The following HSPA12A variants were observed in gnomAD, a reference collection of about 807,000 sequenced individuals.
The protein encoded by HSPA12A is heat shock 70 kDa protein 12A.
Under a neutral mutation model 69.2 loss-of-function variants are expected in HSPA12A, and 28 were observed. That is an observed-to-expected ratio of 0.40 (90% CI 0.30 to 0.55). HSPA12A has a LOEUF of 0.55. Ranked by LOEUF, HSPA12A falls within the 20% of genes least tolerant of loss-of-function variation. HSPA12A has a pLI of 0.38. For synonymous variants in HSPA12A, 345 were observed against 370.5 expected (o/e 0.93, Z 0.79); for missense variants, 686 against 900.7 (o/e 0.76, Z 3.05).
At chr10:116,793,313 G>A (rs541053686) in intron 2 of HSPA12A, among the ~76,000 whole-genome samples, 15 of 152,352 alleles carry the variant, frequency 9.8e-5, no homozygotes, top group African/African-American at 3.4e-4. Flanking sequence ...GCTCACGCCT[G>A]TAATCCCAAC....
chr10:116,677,624 A>G lies in HSPA12A; in HGVS notation c.1287-1122T>C, dbSNP rs1281293397. On this transcript the variant is annotated intron_variant, in intron 10 of 11. Transcript: ENST00000369209. ...AGACTGGCCCTGCTCCAAGGGCAAG[A>G]AGACCTGACATGAAATCTGCTTTCA... 3.3e-5 allele frequency among the ~76,000 whole-genome samples: 5 copies of G among 152,230 alleles called. 1 individual carries two copies. The highest frequency in any genetic ancestry group is 6.5e-5 in the Admixed American group (1 of 15,286).
At chr10:116,795,080 G>A (rs979333991) in intron 2 of HSPA12A, among the ~76,000 whole-genome samples, 6 of 152,108 alleles carry the variant, frequency 3.9e-5, no homozygotes, top group African/African-American at 1.4e-4. Context: ...CATCTTAGAA[G>A]GGGGATAAAT....
At chr10:116,842,364 TG>T (rs1233260755) in intron 1 of HSPA12A, among the ~76,000 whole-genome samples, 2 of 152,162 alleles carry the variant, frequency 1.3e-5, no homozygotes, top group African/African-American at 4.8e-5. Context: ...CTGCCCCCTA[TG>T]TGGAAACTAC....
chr10:116,741,063 A>G (rs1554887061), intron 1 of HSPA12A, among the ~76,000 whole-genome samples: 1 of 150,928 alleles, frequency 6.6e-6, no homozygotes, highest in Non-Finnish European at 1.5e-5. Flanking sequence ...CAGCTGAGGA[A>G]GAGTACAGGC....
chr10:116,760,531 A>T (rs1843945306), intron 2 of HSPA12A, among the ~76,000 whole-genome samples: 1 of 152,168 alleles, frequency 6.6e-6, no homozygotes, highest in South Asian at 2.1e-4. Flanking sequence ...TGGAAAGAAA[A>T]CACATGAATG....
chr10:116,798,248 G>A (rs990186728), intron 2 of HSPA12A, among the ~76,000 whole-genome samples: 3 of 152,122 alleles, frequency 2.0e-5, no homozygotes, highest in Non-Finnish European at 4.4e-5. Flanking sequence ...GCAACCTTCT[G>A]GAAGCCGTCT....
chr10:116,704,217 C>A (rs1554881960), intron 3 of HSPA12A, among the ~76,000 whole-genome samples: 1 of 152,170 alleles, frequency 6.6e-6, no homozygotes, highest in African/African-American at 2.4e-5. Flanking sequence ...ATGTAAATGT[C>A]CAACAACGGT....
At chr10:116,725,721 G>A (rs1409566514) in intron 1 of HSPA12A, among the ~76,000 whole-genome samples, 1 of 152,114 alleles carries the variant, frequency 6.6e-6, no homozygotes, top group Admixed American at 6.5e-5. Flanking sequence ...CACAGGGTGA[G>A]AGGGATATCC....
At chr10:116,676,523 G>A (rs1554877741) in intron 10 of HSPA12A, 21 bp from the exon 11 acceptor site, 1 of 1,587,908 alleles carries the variant, frequency 6.3e-7, no homozygotes, top group Non-Finnish European at 8.6e-7. Flanking sequence ...ATAGCATGGA[G>A]AAGAGCAGGC....
Position 116,686,862 on chromosome 10 carries a change from C to G in HSPA12A, c.664-2900G>C, listed in dbSNP as rs1385811855. On this transcript the variant is annotated intron_variant, in intron 6 of 11. Transcript: ENST00000369209. This position sits in a 1 kb window ranked among gnomAD's most constrained non-coding sequence, Gnocchi z 4.1. ...TAAGCTCCACCCCTCATCCCTCTTC[C>G]CACACCATAAGCTCCGCCCCTCATC... is the stretch of plus-strand genomic sequence containing the variant. Among the ~76,000 whole-genome samples the G allele has an allele frequency of 6.6e-6, 1 of 151,340 alleles. No homozygotes were observed. Among genetic ancestry groups the G allele is most frequent in the Admixed American group, 6.6e-5 (1 of 15,198 alleles).
intron 2 of HSPA12A, among the ~76,000 whole-genome samples, chr10:116,789,023 G>A (rs1002402996): frequency 3.3e-5 from 5 of 151,872 alleles, no homozygotes; most frequent in African/African-American, 1.2e-4. Flanking sequence ...CTGCCACAAC[G>A]CCCAGCTGAT....
chr10:116,825,297 C>T (rs1440726641), intron 2 of HSPA12A, among the ~76,000 whole-genome samples: 1 of 151,874 alleles, frequency 6.6e-6, no homozygotes, highest in Non-Finnish European at 1.5e-5. Flanking sequence ...ATCACTTGAG[C>T]TCAGGAGTTC....
rs1589727387 is a variant in HSPA12A, at chr10:116,825,113, G to C, written c.91+9822C>G. Among the ~76,000 whole-genome samples the C allele has an allele frequency of 4.0e-5, 6 of 151,872 alleles. No homozygotes were observed. In the South Asian group the frequency reaches 1.3e-3, roughly 32 times the overall value. On this transcript the variant is annotated intron_variant, in intron 2 of 12. Transcript: ENST00000635765. ...GTGGTGGGGGAATCACTTGGGCCTG[G>C]GAGGCCGAAGCTGCAGCGAGCTGTG...
chr10:116,757,758 C>T (rs908096966), intron 2 of HSPA12A, among the ~76,000 whole-genome samples: 9 of 152,154 alleles, frequency 5.9e-5, no homozygotes, highest in South Asian at 2.1e-4. Context: ...GAAGATTAAA[C>T]GAGTTCATAC....
chr10:116,812,979 G>A (rs1477172702), intron 2 of HSPA12A, among the ~76,000 whole-genome samples: 4 of 152,140 alleles, frequency 2.6e-5, no homozygotes, highest in African/African-American at 9.7e-5. Context: ...TGTAGGGAGG[G>A]AGGAAGCTAA....
chr10:116,751,921 G>A (rs1292519979), intron 2 of HSPA12A, among the ~76,000 whole-genome samples: 2 of 152,114 alleles, frequency 1.3e-5, no homozygotes, highest in African/African-American at 4.8e-5. Context: ...TAAGCTTCTT[G>A]AGCCTCACCA....
At chr10:116,688,429 C>T (rs527648387) in intron 6 of HSPA12A, among the ~76,000 whole-genome samples, 1 of 152,320 alleles carries the variant, frequency 6.6e-6, no homozygotes, top group East Asian at 1.9e-4. Context: ...TCTGTGATCA[C>T]GAGTTTCACT....
At chr10:116,817,733 G>A (rs938728388) in intron 2 of HSPA12A, among the ~76,000 whole-genome samples, 1 of 152,090 alleles carries the variant, frequency 6.6e-6, no homozygotes, top group African/African-American at 2.4e-5. Flanking sequence ...GGTCAGTCAA[G>A]ATAATCTGCA....
At chr10:116,759,057 A>T (rs1036787397) in intron 2 of HSPA12A, among the ~76,000 whole-genome samples, 12 of 152,222 alleles carry the variant, frequency 7.9e-5, no homozygotes, top group African/African-American at 2.9e-4. Flanking sequence ...GAAACAGCAC[A>T]TTCCCTCGTC....
Sources: gnomAD v4.1 joint callset for allele counts (sites outside exome capture counted in the v4.1 genomes callset) on GRCh38, gnomAD v4.1.1 for gene constraint, Gnocchi (gnomAD v3.1) non-coding constraint, MANE v1.5 for transcripts, NCBI Gene and HGNC (gene_info 2026-07-23, HGNC 2026-07-21) for gene names.